Variants in HEXB observed in about 807,000 individuals in gnomAD.
HEXB encodes hexosaminidase subunit beta.
In HEXB, 51 loss-of-function variants were observed where a neutral mutation model predicts 71.2. The observed-to-expected ratio is 0.72, with a 90% CI of 0.57 to 0.90. The LOEUF is 0.90. HEXB is among the 40% of genes least tolerant of loss of function. The probability of loss-of-function intolerance (pLI) is 0.00; values close to 1 mark genes in which losing one functional copy is unlikely to be tolerated. For synonymous variants in HEXB, 266 were observed against 249.3 expected (o/e 1.07, Z -0.63); for missense variants, 617 against 677.0 (o/e 0.91, Z 0.98).
upstream of HEXB, among the ~76,000 whole-genome samples, chr5:74,680,307 C>A (rs1051464012): frequency 5.9e-5 from 9 of 152,312 alleles, no homozygotes; most frequent in African/African-American, 2.2e-4. Context: ...TGTTGCCTCT[C>A]ATTTTTCCCT....
At chr5:74,697,664 G>A (rs1749144021) in intron 5 of HEXB, among the ~76,000 whole-genome samples, 1 of 146,308 alleles carries the variant, frequency 6.8e-6, no homozygotes, top group African/African-American at 2.5e-5. Flanking sequence ...CCGGGTGGAG[G>A]TTGCAGTGAG....
chr5:74,715,573 T>A lies in HEXB; in HGVS notation c.965T>A (p.Ile322Lys). The A allele has an allele frequency of 6.2e-7, 1 of 1,612,224 alleles. No individual in the cohort carries two copies. Among genetic ancestry groups the A allele is most frequent in the Non-Finnish European group, 8.5e-7 (1 of 1,178,286 alleles). The change falls in exon 8 of 14, where the codon ATA (isoleucine) becomes AAA (lysine). Residue 322 changes from isoleucine to lysine, a missense_variant. Transcript: ENST00000261416. The stretch of plus-strand genomic sequence containing the variant: ...AACAAGTTGGACTCTTTTGGACCTA[T>A]AAACCCTACTCTGAATACAACATAC... Reference protein sequence around the residue: ...RQNKLDSFGPINPTLNTTYSF... With the variant: ...RQNKLDSFGPKNPTLNTTYSF...
chr5:74,712,824 G>A (rs1272534979), intron 6 of HEXB, among the ~76,000 whole-genome samples: 1 of 152,104 alleles, frequency 6.6e-6, no homozygotes, highest in Non-Finnish European at 1.5e-5. Context: ...ATAGGCCATA[G>A]TTTGAGAAAT....
chr5:74,708,783 T>C (rs975331519), intron 6 of HEXB, among the ~76,000 whole-genome samples: 2 of 151,062 alleles, frequency 1.3e-5, no homozygotes, highest in Non-Finnish European at 3.0e-5. Flanking sequence ...AGCACCCAGA[T>C]TCATAAAGCA....
intron 8 of HEXB, 121 bp downstream of exon 8, chr5:74,715,811 G>C: frequency 1.4e-6 from 1 of 717,400 alleles, no homozygotes; most frequent in Non-Finnish European, 2.5e-6. Flanking sequence ...GAGGTCAGGA[G>C]TTCAAGACCA....
chr5:74,668,003 G>T (rs1437178456), intron 1 of HEXB, among the ~76,000 whole-genome samples: 2 of 152,120 alleles, frequency 1.3e-5, no homozygotes, highest in Admixed American at 6.5e-5. Flanking sequence ...AGGGCTAAAT[G>T]GTTCTCAGGG....
chr5:74,720,375 CCT>C (rs1437296717), intron 11 of HEXB, 51 bp from the exon 12 acceptor site: 33 of 1,235,200 alleles, frequency 2.7e-5, no homozygotes, highest in East Asian at 4.6e-5. Flanking sequence ...TGAAATATTG[CCT>C]CTGTGTATAA....
chr5:74,693,427 AG>A, intron 2 of HEXB: 1 of 622,846 alleles, frequency 1.6e-6, no homozygotes, highest in Non-Finnish European at 2.9e-6. Flanking sequence ...AAGTGTGCGG[AG>A]GAGGGAGGGA....
rs111944559 is a variant in HEXB, at chr5:74,646,057, C to T, written c.-377+5499C>T. Among the ~76,000 whole-genome samples, 1,320 of 151,934 alleles carry T rather than the reference C, an allele frequency of 8.7e-3. 21 individuals are homozygous for T. The highest frequency in any genetic ancestry group is 0.029 in the African/African-American group (1,210 of 41,426). ...CTGGGTGTTTGAGGGGCAAGTATGGCAATATCTCGGTGCCTTCATTTCCTA... is the reference window on the plus strand; with the variant it reads ...CTGGGTGTTTGAGGGGCAAGTATGGTAATATCTCGGTGCCTTCATTTCCTA... On this transcript the variant is annotated intron_variant, in intron 1 of 13. Transcript: ENST00000511181.
chr5:74,707,956 C>T (rs1749444213), intron 6 of HEXB, among the ~76,000 whole-genome samples: 1 of 152,098 alleles, frequency 6.6e-6, no homozygotes, highest in Non-Finnish European at 1.5e-5. Context: ...AAACATACTC[C>T]TCGAGAAGAG....
intron 5 of HEXB, among the ~76,000 whole-genome samples, chr5:74,699,304 C>T (rs999370942): frequency 4.7e-5 from 7 of 148,368 alleles, no homozygotes; most frequent in African/African-American, 7.4e-5. Context: ...GACAGAGTCT[C>T]GCTGTGTTAC....
At chr5:74,664,514 C>A in intron 1 of HEXB, among the ~76,000 whole-genome samples, 1 of 143,944 alleles carries the variant, frequency 6.9e-6, no homozygotes, top group Admixed American at 7.0e-5. Flanking sequence ...GAATAAATTA[C>A]ATTCTCCCAT....
chr5:74,685,136 GGGC>G, upstream of HEXB: 7 of 1,024,040 alleles, frequency 6.8e-6, no homozygotes, highest in Non-Finnish European at 9.1e-6. Flanking sequence ...AGTCGGGGGC[GGGC>G]GCGCGCAGTC....
In HEXB at chr5:74,720,382, G is replaced by GTA. The variant is rs762119987; in HGVS notation, c.1418-43_1418-42dup. The GTA allele has an allele frequency of 8.4e-6, 11 of 1,308,814 alleles. No homozygotes were observed. The South Asian group carries it at 1.2e-4, about 14-fold the overall frequency. The allele number at this position is 1,308,814 out of a possible 1,614,324, so 81.1% of individuals were successfully genotyped here. A position where few individuals can be genotyped will look rare whatever the true frequency, so the allele number is the denominator to read the frequency against. Reference sequence around the variant, plus strand: ...AATCTTGATGAAATATTGCCTCTGTGTATAAGCTTTGAACTTCTGAACTTA... The same window carrying GTA: ...AATCTTGATGAAATATTGCCTCTGTGTATATAAGCTTTGAACTTCTGAACTTA... On this transcript the variant is annotated intron_variant, in intron 11 of 13. Transcript: ENST00000261416.
chr5:74,708,036 G>C (rs1749446254), intron 6 of HEXB, among the ~76,000 whole-genome samples: 1 of 152,022 alleles, frequency 6.6e-6, no homozygotes, highest in Admixed American at 6.5e-5. Context: ...AGGGCAGCCA[G>C]AGAGAAAGGT....
rs369978790 is a variant in HEXB at position 74,656,480 on chromosome 5, A to AAAAATAAAATAAAAT, written c.-377+15972_-377+15986dup. Among the ~76,000 whole-genome samples, 1,030 of 145,766 alleles carry AAAAATAAAATAAAAT rather than the reference A, an allele frequency of 7.1e-3. 15 individuals carry two copies. Among genetic ancestry groups the AAAAATAAAATAAAAT allele is most frequent in the East Asian group, 0.041 (203 of 4,902 alleles). ...GATGACAGAGTGAGACTCTGTCTCA[A>AAAAATAAAATAAAAT]AAAATAAAATAAAATAAAATAAAAT... On this transcript the variant is annotated intron_variant, in intron 1 of 13. Coordinates refer to the HEXB transcript ENST00000511181.
chr5:74,661,030 G>T (rs6881090), intron 1 of HEXB, among the ~76,000 whole-genome samples: 7,452 of 151,672 alleles, frequency 0.049, 231 homozygotes, highest in African/African-American at 0.078. Flanking sequence ...GAGAGAGAGA[G>T]ATAGAGAGAG....
At chr5:74,653,228 A>G (rs747139573) in intron 1 of HEXB, among the ~76,000 whole-genome samples, 39 of 152,230 alleles carry the variant, frequency 2.6e-4, no homozygotes, top group Non-Finnish European at 4.6e-4. Flanking sequence ...CATTACGTCA[A>G]TAATTTTTTA....
chr5:74,720,863 A>ATTATTTTTTTGTAAGTAATAAT (rs1749823636), intron 13 of HEXB, 116 bp downstream of exon 13: 2 of 915,838 alleles, frequency 2.2e-6, no homozygotes, highest in East Asian at 5.2e-5. Flanking sequence ...GAAACCAGGA[A>ATTATTTTTTTGTAAGTAATAAT]TTATTTTTTT....
Sources: gnomAD v4.1 joint callset for allele counts (sites outside exome capture counted in the v4.1 genomes callset) on GRCh38, gnomAD v4.1.1 for gene constraint, MANE v1.5 for transcripts, NCBI Gene and HGNC (gene_info 2026-07-23, HGNC 2026-07-21) for gene names.